EVA1C: variants seen among roughly 807,000 people sequenced by gnomAD.
The protein encoded by EVA1C is eva-1 homolog C.
EVA1C carries 25 observed loss-of-function variants against 45.4 expected under a neutral mutation model. That is an observed-to-expected ratio of 0.55 (90% CI 0.40 to 0.77). EVA1C has a LOEUF of 0.77. EVA1C is among the 30% of genes least tolerant of loss of function. The pLI, the probability that EVA1C is intolerant of heterozygous loss-of-function variation, is 0.00. For synonymous variants in EVA1C, 190 were observed against 221.2 expected (o/e 0.86, Z 1.25); for missense variants, 479 against 554.8 (o/e 0.86, Z 1.37).
chr21:32,419,667 A>G (rs1423194118), intron 1 of EVA1C, among the ~76,000 whole-genome samples: 3 of 152,214 alleles, frequency 2.0e-5, no homozygotes, highest in African/African-American at 4.8e-5. Flanking sequence ...GTGAGCCGAA[A>G]TCGTGCTTCT....
At chr21:32,429,063 C>T (rs549036608) in intron 1 of EVA1C, among the ~76,000 whole-genome samples, 1 of 152,196 alleles carries the variant, frequency 6.6e-6, no homozygotes, top group East Asian at 1.9e-4. Context: ...CTCTGTCGCC[C>T]AGAGCGAGAT....
chr21:32,458,456 T>A (rs1171986838), intron 3 of EVA1C, among the ~76,000 whole-genome samples: 12 of 150,754 alleles, frequency 8.0e-5, no homozygotes, highest in Non-Finnish European at 1.2e-4. Context: ...GCAGTGTGTT[T>A]AACCAAAAAA....
At chr21:32,440,127 T>A (rs753592533) in intron 1 of EVA1C, among the ~76,000 whole-genome samples, 1 of 152,120 alleles carries the variant, frequency 6.6e-6, no homozygotes, top group Non-Finnish European at 1.5e-5. Context: ...TGAGTGTTTC[T>A]GAGAGCCTTT....
At chr21:32,457,991 C>T (rs976115484) in intron 3 of EVA1C, among the ~76,000 whole-genome samples, 8 of 152,204 alleles carry the variant, frequency 5.3e-5, no homozygotes, top group Non-Finnish European at 8.8e-5. Flanking sequence ...ATATGTAAAA[C>T]TCAGTTGTAC....
chr21:32,445,452 T>C (rs1165151441), intron 1 of EVA1C, among the ~76,000 whole-genome samples: 2 of 152,214 alleles, frequency 1.3e-5, no homozygotes, highest in African/African-American at 4.8e-5. Flanking sequence ...TAGCTTTTTA[T>C]CTTTGTAGCC....
chr21:32,472,988 C>CT (rs2036431208), intron 4 of EVA1C, among the ~76,000 whole-genome samples: 1 of 152,246 alleles, frequency 6.6e-6, no homozygotes, highest in Non-Finnish European at 1.5e-5. Context: ...CCTTCTTGCC[C>CT]TGTGCTCTGC....
intron 7 of EVA1C, among the ~76,000 whole-genome samples, chr21:32,509,182 G>T (rs2037867972): frequency 6.6e-6 from 1 of 152,202 alleles, no homozygotes; most frequent in Admixed American, 6.5e-5. Flanking sequence ...AGAGGGGTTG[G>T]ACCAGCTCAT....
chr21:32,445,524 C>T (rs1358295969), intron 1 of EVA1C, among the ~76,000 whole-genome samples: 1 of 152,218 alleles, frequency 6.6e-6, no homozygotes, highest in Non-Finnish European at 1.5e-5. Flanking sequence ...CTTGACTGTT[C>T]CCTTTGGCTT....
At chr21:32,495,768 G>A (rs980168336) in intron 5 of EVA1C, among the ~76,000 whole-genome samples, 19 of 152,184 alleles carry the variant, frequency 1.2e-4, no homozygotes, top group African/African-American at 4.6e-4. Flanking sequence ...ATAAAGCCAC[G>A]TAAAAGCAAA....
intron 4 of EVA1C, among the ~76,000 whole-genome samples, chr21:32,475,362 A>G (rs904594232): frequency 6.6e-5 from 10 of 151,522 alleles, no homozygotes; most frequent in Admixed American, 6.6e-4. Context: ...CATCATCATC[A>G]TCATCATTTT....
chr21:32,493,770 TTTTATTTATTTATTTA>T lies in EVA1C; in HGVS notation c.635-1225_635-1210del, dbSNP rs3056333. The T allele has an allele frequency of 7.3e-4, 106 of 145,134 alleles. 1 individual carries two copies. The highest frequency in any genetic ancestry group is 1.8e-3 in the African/African-American group (72 of 39,476). The allele number at this position is 145,134 out of a possible 1,614,324, so 9.0% of individuals were successfully genotyped here. A position where few individuals can be genotyped will look rare whatever the true frequency, so the allele number is the denominator to read the frequency against. On this transcript the variant is annotated intron_variant, in intron 4 of 7. Transcript: ENST00000300255. Reference sequence around the variant, plus strand: ...ATCTGGGTAAAAAGCAAGGTAGGCTTTTTATTTATTTATTTATTTATTTATTTATTTATTTATTTAT... The same window carrying T: ...ATCTGGGTAAAAAGCAAGGTAGGCTTTTTATTTATTTATTTATTTATTTAT...
intron 4 of EVA1C, among the ~76,000 whole-genome samples, chr21:32,480,718 T>C (rs886968603): frequency 6.6e-6 from 1 of 151,982 alleles, no homozygotes; most frequent in Non-Finnish European, 1.5e-5. Context: ...ATCCCAGCAC[T>C]TTGGGAAGCC....
chr21:32,419,039 T>C (rs2034160011), intron 1 of EVA1C, among the ~76,000 whole-genome samples: 1 of 152,250 alleles, frequency 6.6e-6, no homozygotes, highest in African/African-American at 2.4e-5. Flanking sequence ...ATGTAATTTA[T>C]AAATAAGTGT....
intron 1 of EVA1C, among the ~76,000 whole-genome samples, chr21:32,415,114 CCCATGTGG>C (rs1317087505): frequency 1.3e-5 from 2 of 152,096 alleles, no homozygotes; most frequent in African/African-American, 4.8e-5. Flanking sequence ...TGACGCGAAC[CCCATGTGG>C]CCTCAAAGCT....
intron 1 of EVA1C, among the ~76,000 whole-genome samples, chr21:32,438,769 A>C (rs542514037): frequency 2.6e-5 from 4 of 152,286 alleles, no homozygotes; most frequent in Non-Finnish European, 5.9e-5. Flanking sequence ...TGGAGGTCAG[A>C]TTTTCAACTG....
At position 32,507,495 on chromosome 21, in the gene EVA1C, CGT is replaced by C. The variant is rs367975610; in HGVS notation, c.949+3485_949+3486del. Among the ~76,000 whole-genome samples the C allele has an allele frequency of 2.1e-3, 294 of 140,658 alleles. 1 individual carries two copies. Among genetic ancestry groups the C allele is most frequent in the African/African-American group, 5.1e-3 (190 of 37,584 alleles). The allele number at this position is 140,658 out of a possible 152,430, so 92.3% of individuals were successfully genotyped here. ...GTGCATGTGTGTATGCGTCTGTGTG[CGT>C]GTGTCTGTATCTGTGTGCATGTGTC... On this transcript the variant is annotated intron_variant, in intron 7 of 7. Transcript: ENST00000300255.
At chr21:32,447,313 C>T (rs954508537) in intron 1 of EVA1C, among the ~76,000 whole-genome samples, 6 of 151,422 alleles carry the variant, frequency 4.0e-5, no homozygotes, top group Non-Finnish European at 8.8e-5. Context: ...AGGTTGCAGT[C>T]AACCAAAATC....
chr21:32,492,709 G>GTT (rs56851883), intron 4 of EVA1C, among the ~76,000 whole-genome samples: 35 of 147,804 alleles, frequency 2.4e-4, no homozygotes, highest in Middle Eastern at 3.5e-3. Context: ...GTTTTCTTTT[G>GTT]TTTTTTTTTT....
At chr21:32,451,004 C>A (rs1242933370) in intron 1 of EVA1C, among the ~76,000 whole-genome samples, 1 of 152,138 alleles carries the variant, frequency 6.6e-6, no homozygotes, top group East Asian at 1.9e-4. Flanking sequence ...AGACAGCTAA[C>A]GTCTGGATGA....
Sources: allele counts gnomAD v4.1 joint callset (sites outside exome capture counted in the v4.1 genomes callset), GRCh38; gene constraint gnomAD v4.1.1; transcripts MANE v1.5; gene names NCBI Gene and HGNC (gene_info 2026-07-23, HGNC 2026-07-21).